ACSBG1: variants seen among roughly 807,000 people sequenced by gnomAD.
The protein encoded by ACSBG1 is acyl-CoA synthetase bubblegum family member 1, also known as long-chain-fatty-acid--CoA ligase ACSBG1.
In ACSBG1, 39 loss-of-function variants were observed where a neutral mutation model predicts 80.2. That is an observed-to-expected ratio of 0.49 (90% confidence interval 0.38 to 0.64). The LOEUF (loss-of-function observed/expected upper bound fraction) is 0.64. Among genes scored for constraint, ACSBG1 ranks in the 30% least tolerant of loss-of-function variants. The pLI, the probability that ACSBG1 is intolerant of heterozygous loss-of-function variation, is 0.00. For missense variants in ACSBG1, 828 were observed against 966.4 expected, an observed-to-expected ratio of 0.86 and a Z score of 1.90; for synonymous variants, 392 against 379.5, an observed-to-expected ratio of 1.03 and a Z score of -0.38.
intron 2 of ACSBG1, among the ~76,000 whole-genome samples, chr15:78,197,932 C>T (rs750254729): frequency 6.6e-6 from 1 of 152,130 alleles, no homozygotes; most frequent in African/African-American, 2.4e-5. Flanking sequence ...GAAGCTCACG[C>T]TCCTCTGTAT....
intron 2 of ACSBG1, chr15:78,207,695 C>G (rs2075228328): frequency 2.7e-6 from 1 of 375,176 alleles, no homozygotes. Flanking sequence ...TGCTGGAGCC[C>G]CAAGTTCCCA....
intron 1 of ACSBG1, among the ~76,000 whole-genome samples, chr15:78,230,227 G>C (rs2075435377): frequency 6.6e-6 from 1 of 152,220 alleles, no homozygotes; most frequent in African/African-American, 2.4e-5. Context: ...GCCAGTGTTA[G>C]CTCAGACCCC....
Position 78,173,999 on chromosome 15 carries a change from C to T in ACSBG1, c.1843-160G>A, listed in dbSNP as rs148033790. ...GAGTAGCTGCTACTGTGTTGAGCCT[C>T]GTGTTATTGTGGAAGGAGCAGTGAT... On this transcript the variant is annotated intron_variant, in intron 12 of 13. Coordinates refer to ENST00000258873, the MANE Select transcript of ACSBG1 (RefSeq NM_015162.5). Among the ~76,000 whole-genome samples, 1,349 of 152,188 alleles carry T rather than the reference C, an allele frequency of 8.9e-3. 19 individuals carry two copies. The highest frequency in any genetic ancestry group is 0.031 in the African/African-American group (1,282 of 41,500).
In ACSBG1 at chr15:78,178,847, C is replaced by A; in HGVS notation, c.1485-16G>T. Reference sequence around the variant, plus strand: ...CTTGCCTGAGCTGGCGAGGGAGGGGCCGGGAGACTGGTCAGAGGGAGCCGT... The same window carrying A: ...CTTGCCTGAGCTGGCGAGGGAGGGGACGGGAGACTGGTCAGAGGGAGCCGT... On this transcript the variant is annotated splice_polypyrimidine_tract_variant and intron_variant, in intron 10 of 13. Transcript: ENST00000258873. This position sits in a 1 kb window ranked among gnomAD's most constrained non-coding sequence, Gnocchi z 4.3. The A allele has an allele frequency of 6.3e-7, 1 of 1,594,336 alleles. No homozygotes were observed.
chr15:78,229,085 T>A (rs1047046596), intron 1 of ACSBG1, among the ~76,000 whole-genome samples: 5 of 151,892 alleles, frequency 3.3e-5, no homozygotes, highest in Admixed American at 6.5e-5. Flanking sequence ...TTTTTTTTTT[T>A]TTATTCATTC....
In ACSBG1 at chr15:78,168,801, A is replaced by G. The variant is rs2074783355; in HGVS notation, c.*2643T>C. ...GTGGTTCCTCACTTTGAAATGAGGA[A>G]CTAAATGAAAGAGCAGCCGAGTAAC... On this transcript the variant is annotated 3_prime_UTR_variant, in exon 14 of 14. Coordinates refer to ENST00000258873, the MANE Select transcript of ACSBG1 (RefSeq NM_015162.5). 1.5e-5 allele frequency: 10 copies of G among 657,518 alleles called. No individual in the cohort carries two copies. In the East Asian group the frequency reaches 2.3e-4, roughly 15 times the overall value. The allele number at this position is 657,518 out of a possible 1,614,324, so 40.7% of individuals were successfully genotyped here. A position where few individuals can be genotyped will look rare whatever the true frequency, so the allele number is the denominator to read the frequency against.
At chr15:78,210,507 GAAACAA>G (rs2075258084) in intron 1 of ACSBG1, among the ~76,000 whole-genome samples, 4 of 152,344 alleles carry the variant, frequency 2.6e-5, no homozygotes, top group Admixed American at 2.6e-4. Context: ...TTGTCACACA[GAAACAA>G]GTGAAACTGC....
At chr15:78,194,131 A>C in intron 3 of ACSBG1, 111 bp from the exon 4 acceptor site, 1 of 1,039,430 alleles carries the variant, frequency 9.6e-7, no homozygotes. Context: ...CCACCCTCCC[A>C]GGGTCCCCTC....
chr15:78,230,611 A>G lies in ACSBG1; in HGVS notation c.131+3760T>C, dbSNP rs548822890. On this transcript the variant is annotated intron_variant, in intron 1 of 13. Transcript: ENST00000258873. ...GGAATTCCCATGTGTTGTGAGACAG[A>G]CCAGGTGGGAGGTAATTGCATCATG... 5.9e-5 allele frequency among the ~76,000 whole-genome samples: 9 copies of G among 152,268 alleles called. No individual in the cohort carries two copies. The East Asian group carries it at 1.4e-3, about 23-fold the overall frequency.
intron 3 of ACSBG1, 89 bp downstream of exon 3, chr15:78,194,417 G>T: frequency 1.6e-6 from 2 of 1,234,096 alleles, no homozygotes; most frequent in Non-Finnish European, 2.3e-6. Flanking sequence ...GCCTTGCCCA[G>T]TGGGCAGTTG....
At chr15:78,209,343 T>C (rs1024556089) in intron 1 of ACSBG1, 1 of 438,702 alleles carries the variant, frequency 2.3e-6, no homozygotes, top group Non-Finnish European at 4.6e-6. Context: ...GTGGCGCCGT[T>C]CTTGCGAAAT....
chr15:78,225,629 T>C (rs543243321), intron 1 of ACSBG1, among the ~76,000 whole-genome samples: 2 of 152,160 alleles, frequency 1.3e-5, no homozygotes, highest in Admixed American at 1.3e-4. Flanking sequence ...ATTTGAAATA[T>C]AGAGTCAATT....
At chr15:78,181,647 C>T (rs1339436191) in intron 8 of ACSBG1, among the ~76,000 whole-genome samples, 2 of 152,032 alleles carry the variant, frequency 1.3e-5, no homozygotes, top group Non-Finnish European at 2.9e-5. Context: ...GCACCTGCCA[C>T]CACTCCCATC....
intron 7 of ACSBG1, 31 bp downstream of exon 7, chr15:78,182,435 C>A (rs1253164673): frequency 2.7e-6 from 2 of 733,828 alleles, no homozygotes; most frequent in Non-Finnish European, 4.2e-6. Context: ...CCCCCTTGCA[C>A]CCCCCCCACC....
Position 78,180,662 on chromosome 15 carries a change from G to A in ACSBG1, c.1253+93C>T, listed in dbSNP as rs565232292. 324 of 1,487,582 alleles carry A rather than the reference G, an allele frequency of 2.2e-4. 1 individual carries two copies. In the African/African-American group the frequency reaches 2.4e-3, roughly 11 times the overall value. 92.1% of individuals were successfully genotyped at this position (1,487,582 alleles called of 1,614,324 possible). ...CCAGAGCTGCCCGGCCACTGGAACC[G>A]GGACAGGCATGGCGTATCAGACCCT... On this transcript the variant is annotated intron_variant, in intron 9 of 13. Coordinates refer to ENST00000258873, the MANE Select transcript of ACSBG1 (RefSeq NM_015162.5).
Position 78,221,375 on chromosome 15 carries a change from G to C in ACSBG1, c.131+12996C>G, listed in dbSNP as rs575245299. ...TCAAGGGAAGGTACTGTGCCCAGAC[G>C]TGCACGTAGGCTAGATTTATGTTTC... On this transcript the variant is annotated intron_variant, in intron 1 of 13. Coordinates refer to ENST00000258873, the MANE Select transcript of ACSBG1 (RefSeq NM_015162.5). Among the ~76,000 whole-genome samples, 9 of 152,282 alleles carry C rather than the reference G, an allele frequency of 5.9e-5. 1 individual carries two copies. The South Asian group carries it at 1.7e-3, about 28-fold the overall frequency.
At chr15:78,173,920 G>A (rs2074855424) in intron 12 of ACSBG1, 81 bp from the exon 13 acceptor site, 2 of 1,501,932 alleles carry the variant, frequency 1.3e-6, no homozygotes, top group Non-Finnish European at 1.8e-6. Flanking sequence ...TCTTACTGCT[G>A]TCGGCAAGGG....
intron 1 of ACSBG1, among the ~76,000 whole-genome samples, chr15:78,233,643 G>A (rs371321174): frequency 9.9e-5 from 15 of 152,270 alleles, no homozygotes; most frequent in African/African-American, 2.2e-4. Flanking sequence ...CTTCGCCTGC[G>A]CCCCTCCTGG....
chr15:78,207,058 A>G lies in ACSBG1; in HGVS notation c.232+944T>C, dbSNP rs1174606154. 2.0e-5 allele frequency among the ~76,000 whole-genome samples: 3 copies of G among 152,202 alleles called. No homozygotes were observed. The East Asian group carries it at 5.8e-4, about 29-fold the overall frequency. On this transcript the variant is annotated intron_variant, in intron 2 of 13. Coordinates refer to ENST00000258873, the MANE Select transcript of ACSBG1 (RefSeq NM_015162.5). ...GTCTGAGCCTAAGCCAGTTGGTGGG[A>G]CCTGCCCTAGGTGGCTCAGCAAGTC...
Sources: gnomAD v4.1 joint callset for allele counts (sites outside exome capture counted in the v4.1 genomes callset) on GRCh38, gnomAD v4.1.1 for gene constraint, Gnocchi (gnomAD v3.1) non-coding constraint, MANE v1.5 for transcripts, NCBI Gene and HGNC (gene_info 2026-07-23, HGNC 2026-07-21) for gene names.